GTPBP1: variants seen among roughly 807,000 people sequenced by gnomAD.
GTPBP1 encodes the protein GTP-binding protein 1.
In GTPBP1, 23 loss-of-function variants were observed where a neutral mutation model predicts 62.0. The observed-to-expected ratio is 0.37, with a 90% CI of 0.27 to 0.53. GTPBP1 has a LOEUF of 0.53. Ranked by LOEUF, GTPBP1 falls within the 20% of genes least tolerant of loss-of-function variation. The pLI is 0.89. For missense variants in GTPBP1, 640 were observed against 917.3 expected, an observed-to-expected ratio of 0.70 and a Z score of 3.90; for synonymous variants, 344 against 364.4, an observed-to-expected ratio of 0.94 and a Z score of 0.64.
intron 2 of GTPBP1, 81 bp from the exon 3 acceptor site, chr22:38,715,826 G>A (rs1569277972): frequency 8.4e-7 from 1 of 1,197,268 alleles, no homozygotes; most frequent in Non-Finnish European, 1.2e-6. Flanking sequence ...GCCTTTGTTA[G>A]GTGGGGTTCC....
intron 1 of GTPBP1, among the ~76,000 whole-genome samples, chr22:38,708,396 T>C (rs952156716): frequency 6.6e-6 from 1 of 152,218 alleles, no homozygotes; most frequent in Non-Finnish European, 1.5e-5. Flanking sequence ...AACAGAATTC[T>C]TTTGTTATCC....
rs1170380993 is a variant in GTPBP1 at position 38,726,599 on chromosome 22, G to A, written c.1401+159G>A. Among the ~76,000 whole-genome samples the A allele has an allele frequency of 2.0e-5, 3 of 152,128 alleles. No individual in the cohort carries two copies. The highest frequency in any genetic ancestry group is 4.8e-5 in the African/African-American group (2 of 41,420). ...GAGGAAACTGAGGCTCAGAGCCCAG[G>A]GACTTGCCCAAGACACACAGCTTGT... On this transcript the variant is annotated intron_variant, in intron 8 of 11. Transcript: ENST00000216044. The surrounding 1 kb of genome is among the most constrained non-coding windows in gnomAD (Gnocchi z 4.1).
downstream of GTPBP1, chr22:38,737,756 TCTAA>T (rs2092818831): frequency 5.3e-5 from 20 of 376,030 alleles, no homozygotes; most frequent in South Asian, 3.6e-4. This position sits in a 1 kb window ranked among gnomAD's most constrained non-coding sequence, Gnocchi z 4.1. Context: ...AATCTGCATT[TCTAA>T]CTGACTTAGG....
In GTPBP1 at chr22:38,721,902, T is replaced by C. The variant is rs754565549; in HGVS notation, c.958+37T>C. 4.6e-6 allele frequency: 7 copies of C among 1,526,568 alleles called. No homozygotes were observed. In the East Asian group the frequency reaches 9.3e-5, roughly 20 times the overall value. The allele number at this position is 1,526,568 out of a possible 1,614,324, so 94.6% of individuals were successfully genotyped here. A position where few individuals can be genotyped will look rare whatever the true frequency, so the allele number is the denominator to read the frequency against. Reference sequence around the variant, plus strand: ...CTCCAGCTAGCAGCAGCCCCTCTGATTGGGGCTGTCACCTGCTGTGCCTTC... The same window carrying C: ...CTCCAGCTAGCAGCAGCCCCTCTGACTGGGGCTGTCACCTGCTGTGCCTTC... On this transcript the variant is annotated intron_variant, in intron 5 of 11. Coordinates refer to ENST00000216044, the MANE Select transcript of GTPBP1 (RefSeq NM_004286.5).
intron 1 of GTPBP1, among the ~76,000 whole-genome samples, chr22:38,708,244 C>A (rs563583315): frequency 1.3e-5 from 2 of 152,334 alleles, no homozygotes; most frequent in African/African-American, 4.8e-5. Context: ...ATGGTTGACA[C>A]TTCAATGTTA....
At chr22:38,733,973 G>A (rs1403887880), downstream of GTPBP1, among the ~76,000 whole-genome samples, 4 of 152,228 alleles carry the variant, frequency 2.6e-5, no homozygotes, top group Admixed American at 1.3e-4. Flanking sequence ...TTTAGATGGC[G>A]TCAGAGGCAG....
downstream of GTPBP1, chr22:38,740,713 G>A (rs1306200755): frequency 1.4e-5 from 8 of 583,386 alleles, no homozygotes; most frequent in African/African-American, 3.7e-5. This position sits in a 1 kb window ranked among gnomAD's most constrained non-coding sequence, Gnocchi z 4.8. Context: ...GGACATCTGG[G>A]GCATGAGAAG....
intron 2 of GTPBP1, among the ~76,000 whole-genome samples, chr22:38,713,462 C>T (rs1300512372): frequency 6.6e-6 from 1 of 152,086 alleles, no homozygotes; most frequent in Non-Finnish European, 1.5e-5. Flanking sequence ...GAATAACAGC[C>T]TGAATCAGGC....
At chr22:38,735,635 G>T (rs2092797989), downstream of GTPBP1, 1 of 177,200 alleles carries the variant, frequency 5.6e-6, no homozygotes, top group Non-Finnish European at 1.2e-5. Context: ...GTCCCCTTTA[G>T]GGCACAAGAA....
chr22:38,726,088 C>A lies in GTPBP1; in HGVS notation c.1156C>A (p.Arg386Ser), dbSNP rs759324893. 13 of 1,613,804 alleles carry A rather than the reference C, an allele frequency of 8.1e-6. No homozygotes were observed. Among genetic ancestry groups the A allele is most frequent in the Admixed American group, 5.0e-5 (3 of 59,994 alleles). ...GATGTTCCTCAACCTCCTCTCCCCC[C>A]GCACCAGCTACAGGGAGGAGGAGCC... ...LKMFLNLLSP[R>S]TSYREEEPAE... The change falls in exon 7 of 12, where the codon CGC becomes AGC. Residue 386 changes from arginine (R) to serine (S), a missense_variant. Coordinates refer to ENST00000216044, the MANE Select transcript of GTPBP1 (RefSeq NM_004286.5). The surrounding 1 kb of genome is among the most constrained non-coding windows in gnomAD (Gnocchi z 4.1).
rs1306701227 is a variant in GTPBP1 at position 38,728,103 on chromosome 22, T to C, written c.1658T>C (p.Ile553Thr). The change falls in exon 10 of 12, where the codon ATA (isoleucine) becomes ACA (threonine). Residue 553 changes from isoleucine to threonine, a missense_variant. Physicochemically the swap from Ile to Thr is moderately conservative, Grantham distance 89 (BLOSUM62 -1). This residue lies in a region of GTPBP1 where 220 missense variants were observed against 358.1 expected (regional missense o/e 0.61). Coordinates refer to ENST00000216044, the MANE Select transcript of GTPBP1 (RefSeq NM_004286.5). ...ATCAAGACCCCTGAGTACCTGCACA[T>C]AGACCAGCGGCTGGTGTTCCGGGAA... ...RFIKTPEYLH[I>T]DQRLVFREGR... 2 of 1,613,596 alleles carry C rather than the reference T, an allele frequency of 1.2e-6. No homozygotes were observed. Among genetic ancestry groups the C allele is most frequent in the African/African-American group, 2.7e-5 (2 of 74,890 alleles).
At chr22:38,729,406 A>T (rs910062236) in intron 10 of GTPBP1, 56 bp from the exon 11 acceptor site, 1 of 1,356,406 alleles carries the variant, frequency 7.4e-7, no homozygotes, top group Non-Finnish European at 1.0e-6. Context: ...GGGGTAGCCA[A>T]GCCAGTGCCA....
At chr22:38,721,126 C>G (rs1256792311) in intron 4 of GTPBP1, among the ~76,000 whole-genome samples, 1 of 152,216 alleles carries the variant, frequency 6.6e-6, no homozygotes, top group Non-Finnish European at 1.5e-5. Context: ...GTTGCCCAGG[C>G]TGGAGTGCAA....
Position 38,716,886 on chromosome 22 carries a change from C to A in GTPBP1, c.720C>A (p.Ile240=). The A allele has an allele frequency of 1.2e-6, 2 of 1,613,954 alleles. No homozygotes were observed. The highest frequency in any genetic ancestry group is 1.7e-6 in the Non-Finnish European group (2 of 1,179,764). Residue 240 remains isoleucine, a synonymous_variant, in exon 4 of 12, where the codon ATC becomes ATA. Transcript: ENST00000216044. This position sits in a 1 kb window ranked among gnomAD's most constrained non-coding sequence, Gnocchi z 5.2. ...SHGGSLEWTK[I]CEKSTKVITF... ...GCGGCAGCCTGGAGTGGACCAAGATCTGTGAGAAGTCCACGAAAGTCATTA... is the reference window on the plus strand; with the variant it reads ...GCGGCAGCCTGGAGTGGACCAAGATATGTGAGAAGTCCACGAAAGTCATTA...
chr22:38,736,196 C>A (rs753287130), downstream of GTPBP1: 5 of 1,414,400 alleles, frequency 3.5e-6, no homozygotes, highest in Non-Finnish European at 4.0e-6. Context: ...GCCGAGCAAG[C>A]GTGTGGGGGA....
chr22:38,719,917 TTTTC>T (rs1340543564), intron 4 of GTPBP1, among the ~76,000 whole-genome samples: 35 of 151,170 alleles, frequency 2.3e-4, no homozygotes, highest in South Asian at 4.2e-4. Flanking sequence ...CTGCCTTTTA[TTTTC>T]TTTCTTTCTT....
At chr22:38,713,008 C>T (rs927045423) in intron 2 of GTPBP1, among the ~76,000 whole-genome samples, 2 of 151,994 alleles carry the variant, frequency 1.3e-5, no homozygotes, top group African/African-American at 2.4e-5. Flanking sequence ...ATGTATTGTG[C>T]GGGGAGGGGA....
intron 1 of GTPBP1, among the ~76,000 whole-genome samples, chr22:38,707,351 T>C (rs2092611255): frequency 6.6e-6 from 1 of 152,230 alleles, no homozygotes; most frequent in South Asian, 2.1e-4. Flanking sequence ...GGTCCTAAAC[T>C]GGGGAGGAAC....
chr22:38,739,710 T>C, downstream of GTPBP1: 1 of 1,612,048 alleles, frequency 6.2e-7, no homozygotes, highest in East Asian at 2.2e-5. This position sits in a 1 kb window ranked among gnomAD's most constrained non-coding sequence, Gnocchi z 6.7. Context: ...GAGAGGGGCA[T>C]GTGGGCCTCA....
Sources: allele counts gnomAD v4.1 joint callset (sites outside exome capture counted in the v4.1 genomes callset), GRCh38; gene constraint gnomAD v4.1.1; regional missense constraint gnomAD v4.1.1; non-coding constraint Gnocchi (gnomAD v3.1); transcripts MANE v1.5; gene names NCBI Gene and HGNC (gene_info 2026-07-23, HGNC 2026-07-21).